The following AVEN variants were observed in gnomAD, a reference collection of about 807,000 sequenced individuals.
AVEN encodes cell death regulator Aven.
In AVEN, 41 loss-of-function variants were observed where a neutral mutation model predicts 38.1. That is an observed-to-expected ratio of 1.08 (90% CI 0.84 to 1.40). AVEN has a LOEUF of 1.40. Ranked by LOEUF, AVEN falls within the 40% of genes most tolerant of loss-of-function variation. The probability of loss-of-function intolerance (pLI) is 0.00; values close to 1 mark genes in which losing one functional copy is unlikely to be tolerated. For synonymous variants in AVEN, 206 were observed against 171.8 expected (o/e 1.20, Z -1.56); for missense variants, 605 against 438.8 (o/e 1.38, Z -3.38).
In AVEN at chr15:33,916,058, C is replaced by T. The variant is rs149059869; in HGVS notation, c.446-40063G>A. On this transcript the variant is annotated intron_variant, in intron 2 of 5. Coordinates refer to ENST00000306730, the MANE Select transcript of AVEN (RefSeq NM_020371.3). Reference sequence around the variant, plus strand: ...GAGTCTGAGCTCAGACACGCCCAACCCTGCTCCCATCTGATGGTTTTTCTC... The same window carrying T: ...GAGTCTGAGCTCAGACACGCCCAACTCTGCTCCCATCTGATGGTTTTTCTC... Among the ~76,000 whole-genome samples the T allele has an allele frequency of 5.4e-3, 819 of 152,244 alleles. 6 individuals are homozygous for T. Among genetic ancestry groups the T allele is most frequent in the African/African-American group, 0.018 (757 of 41,534 alleles).
intron 2 of AVEN, among the ~76,000 whole-genome samples, chr15:33,879,001 TG>T (rs1265992921): frequency 1.2e-4 from 18 of 152,108 alleles, no homozygotes; most frequent in Non-Finnish European, 1.8e-4. Context: ...GATTCAGTAA[TG>T]TAAAAAAGGC....
chr15:34,026,710 C>T (rs1383638262), intron 1 of AVEN, among the ~76,000 whole-genome samples: 3 of 152,130 alleles, frequency 2.0e-5, no homozygotes, highest in African/African-American at 7.2e-5. Flanking sequence ...GTAACTAAAT[C>T]ACTAGTTTTT....
chr15:33,857,393 C>T (rs559149992), downstream of AVEN, among the ~76,000 whole-genome samples: 5 of 150,044 alleles, frequency 3.3e-5, no homozygotes, highest in Non-Finnish European at 5.9e-5. Flanking sequence ...CTAAGGATGC[C>T]GGTGAGATTG....
chr15:33,856,790 G>GGGC (rs1567339083), downstream of AVEN: 2 of 152,350 alleles, frequency 1.3e-5, no homozygotes, highest in Non-Finnish European at 2.9e-5. Context: ...TCCCAAGTAG[G>GGGC]TGGGATTACA....
At chr15:33,904,603 G>A (rs1432716333) in intron 2 of AVEN, among the ~76,000 whole-genome samples, 2 of 150,976 alleles carry the variant, frequency 1.3e-5, no homozygotes, top group Non-Finnish European at 1.5e-5. Flanking sequence ...AGTAGAGACG[G>A]AGTTTCACCA....
intron 5 of AVEN, among the ~76,000 whole-genome samples, chr15:34,049,318 G>A (rs1335675498): frequency 1.3e-5 from 2 of 152,148 alleles, no homozygotes; most frequent in African/African-American, 4.8e-5. Context: ...AGAAAACAAT[G>A]CAGGAGCTGA....
At chr15:33,982,950 C>T (rs1303919353) in intron 2 of AVEN, among the ~76,000 whole-genome samples, 2 of 151,880 alleles carry the variant, frequency 1.3e-5, no homozygotes, top group Non-Finnish European at 2.9e-5. Flanking sequence ...CTCCTTCCTA[C>T]CCATCAACTC....
At chr15:33,885,137 CA>C (rs1358936683) in intron 2 of AVEN, among the ~76,000 whole-genome samples, 1 of 152,152 alleles carries the variant, frequency 6.6e-6, no homozygotes, top group Non-Finnish European at 1.5e-5. Flanking sequence ...TGAAAAGTCA[CA>C]AATGAACTTT....
chr15:34,024,498 C>T (rs781718202), intron 1 of AVEN, among the ~76,000 whole-genome samples: 35 of 146,704 alleles, frequency 2.4e-4, no homozygotes, highest in Non-Finnish European at 5.1e-4. Context: ...AAAAAAGAAG[C>T]ACTTTGCTCA....
the AVEN span, chr15:33,852,983 TCTTGATGTGTTTTC>T: frequency 7.0e-7 from 1 of 1,426,158 alleles, no homozygotes; most frequent in African/African-American, 1.4e-5. Context: ...CTGAAACGTT[TCTTGATGTGTTTTC>T]CTTGATGTTA....
At chr15:33,941,118 T>G (rs1247342322) in intron 2 of AVEN, among the ~76,000 whole-genome samples, 1 of 152,202 alleles carries the variant, frequency 6.6e-6, no homozygotes, top group Non-Finnish European at 1.5e-5. Context: ...AGAAATCTGA[T>G]TTCTACTGTT....
chr15:33,937,932 C>CAAAAAAAA lies in AVEN; in HGVS notation c.446-61945_446-61938dup, dbSNP rs55887919. On this transcript the variant is annotated intron_variant, in intron 2 of 5. Transcript: ENST00000306730. The stretch of plus-strand genomic sequence containing the variant: ...GAACTAATACAAATCCCTACTTGAC[C>CAAAAAAAA]AAAAAAAAAAAAAAAAAAAAAAAAA... Among the ~76,000 whole-genome samples the CAAAAAAAA allele has an allele frequency of 3.0e-4, 30 of 100,864 alleles. 1 individual carries two copies. Among genetic ancestry groups the CAAAAAAAA allele is most frequent in the East Asian group, 7.3e-4 (2 of 2,750 alleles). 66.2% of individuals were successfully genotyped at this position (100,864 alleles called of 152,430 possible). A position where few individuals can be genotyped will look rare whatever the true frequency, so the allele number is the denominator to read the frequency against.
In AVEN at chr15:34,063,054, G is replaced by T; in HGVS notation, n.1505C>A. The T allele has an allele frequency of 6.2e-7, 1 of 1,614,174 alleles. No homozygotes were observed. Among genetic ancestry groups the T allele is most frequent in the Non-Finnish European group, 8.5e-7 (1 of 1,180,036 alleles). ...CCTTTGGCTTGCACTGGACTACGTG[G>T]CCAGCAACGCTTCTGTCATGAACCT... On this transcript the variant is annotated non_coding_transcript_exon_variant, in exon 5 of 12. Transcript: ENST00000675287. This position sits in a 1 kb window ranked among gnomAD's most constrained non-coding sequence, Gnocchi z 4.1.
chr15:33,853,573 G>C, the AVEN span: 10 of 1,613,788 alleles, frequency 6.2e-6, no homozygotes, highest in East Asian at 2.0e-4. Flanking sequence ...CAAGTATGGA[G>C]ATCTCTACGG....
chr15:33,982,662 T>C, intron 2 of AVEN, among the ~76,000 whole-genome samples: 1 of 152,208 alleles, frequency 6.6e-6, no homozygotes, highest in East Asian at 1.9e-4. Flanking sequence ...AATTTAGTAA[T>C]GGAAACAAGA....
intron 5 of AVEN, among the ~76,000 whole-genome samples, chr15:34,053,903 G>A (rs1900034912): frequency 1.3e-5 from 2 of 151,998 alleles, no homozygotes; most frequent in Non-Finnish European, 2.9e-5. Context: ...CTTACAGAAT[G>A]GGAGAAAAAT....
chr15:34,062,688 C>T, intron 5 of AVEN: 11 of 1,579,834 alleles, frequency 7.0e-6, no homozygotes, highest in Non-Finnish European at 8.6e-6. Context: ...TAGAACCTAA[C>T]ACTATTTACT....
In AVEN at chr15:33,965,932, A is replaced by T. The variant is rs992944578; in HGVS notation, c.445+37100T>A. ...TAAAAATAAATACAGCTTTTTATTA[A>T]AAAAAAAGAACAACATCAGGAATAC... On this transcript the variant is annotated intron_variant, in intron 2 of 5. Coordinates refer to ENST00000306730, the MANE Select transcript of AVEN (RefSeq NM_020371.3). Among the ~76,000 whole-genome samples, 4 of 2,454 alleles carry T rather than the reference A, an allele frequency of 1.6e-3. No individual in the cohort carries two copies. The Non-Finnish European group carries it at 0.056, about 34-fold the overall frequency. The allele number at this position is 2,454 out of a possible 152,430, so 1.6% of individuals were successfully genotyped here.
downstream of AVEN, chr15:33,853,798 G>A: frequency 1.5e-6 from 2 of 1,365,292 alleles, no homozygotes; most frequent in Non-Finnish European, 9.8e-7. Flanking sequence ...TCTGGCTTAG[G>A]TGTTTCTTCT....
Sources: allele counts gnomAD v4.1 joint callset (sites outside exome capture counted in the v4.1 genomes callset), GRCh38; gene constraint gnomAD v4.1.1; non-coding constraint Gnocchi (gnomAD v3.1); transcripts MANE v1.5; gene names NCBI Gene and HGNC (gene_info 2026-07-23, HGNC 2026-07-21).